UBE2E3: variants seen among roughly 807,000 people sequenced by gnomAD.
UBE2E3 encodes the protein ubiquitin conjugating enzyme E2 E3.
A neutral mutation model predicts 23.6 loss-of-function variants in UBE2E3; 5 were observed. The observed-to-expected ratio is 0.21, with a 90% CI of 0.11 to 0.44. UBE2E3 has a LOEUF of 0.44. UBE2E3 is among the 20% of genes least tolerant of loss of function. The pLI, the probability that UBE2E3 is intolerant of heterozygous loss-of-function variation, is 0.99. For missense variants in UBE2E3, 81 were observed against 249.8 expected (o/e 0.32, Z 4.55); for synonymous variants, 78 against 87.5 (o/e 0.89, Z 0.60).
At chr2:181,004,510 G>C (rs1474789103) in intron 3 of UBE2E3, among the ~76,000 whole-genome samples, 1 of 152,124 alleles carries the variant, frequency 6.6e-6, no homozygotes, top group African/African-American at 2.4e-5. Flanking sequence ...GTATGCACCT[G>C]TAGTCTCAGC....
intron 3 of UBE2E3, among the ~76,000 whole-genome samples, chr2:180,994,120 T>G (rs752863411): frequency 6.6e-6 from 1 of 152,176 alleles, no homozygotes; most frequent in Non-Finnish European, 1.5e-5. Context: ...CTTGTAAAAT[T>G]TTAAAAGACA....
At chr2:181,052,031 A>G (rs943225672) in intron 3 of UBE2E3, among the ~76,000 whole-genome samples, 3 of 151,646 alleles carry the variant, frequency 2.0e-5, no homozygotes, top group Non-Finnish European at 2.9e-5. Context: ...CAATGTAAAA[A>G]TTGTGTGATT....
chr2:181,003,862 ATTG>A (rs1291937889), intron 3 of UBE2E3, among the ~76,000 whole-genome samples: 6 of 152,198 alleles, frequency 3.9e-5, no homozygotes, highest in African/African-American at 9.7e-5. Flanking sequence ...ATTTACATGT[ATTG>A]TTGATATTTC....
intron 3 of UBE2E3, among the ~76,000 whole-genome samples, chr2:181,054,578 G>A (rs1033586586): frequency 6.6e-6 from 1 of 151,774 alleles, no homozygotes; most frequent in African/African-American, 2.4e-5. Flanking sequence ...TTTATAATCA[G>A]GTTGTTCATT....
Position 180,980,618 on chromosome 2 carries a change from T to G in UBE2E3, c.-381T>G, listed in dbSNP as rs1405820283. 3 of 147,270 alleles carry G rather than the reference T, an allele frequency of 2.0e-5. No homozygotes were observed. Among genetic ancestry groups the G allele is most frequent in the Admixed American group, 2.0e-4 (3 of 14,918 alleles). 9.1% of individuals were successfully genotyped at this position (147,270 alleles called of 1,614,324 possible). On this transcript the variant is annotated 5_prime_UTR_variant, in exon 1 of 6. Coordinates refer to ENST00000410062, the MANE Select transcript of UBE2E3 (RefSeq NM_006357.4). This position sits in a 1 kb window ranked among gnomAD's most constrained non-coding sequence, Gnocchi z 5.5. ...CGCGCTCGCCTCGGAACTTGCTGACTGCGCGGCCGGGAGGAGCCGAGCCGG... is the reference window on the plus strand; with the variant it reads ...CGCGCTCGCCTCGGAACTTGCTGACGGCGCGGCCGGGAGGAGCCGAGCCGG...
Position 180,982,085 on chromosome 2 carries a change from A to G in UBE2E3, c.43A>G (p.Thr15Ala). 1 of 1,609,690 alleles carries G rather than the reference A, an allele frequency of 6.2e-7. No individual in the cohort carries two copies. The highest frequency in any genetic ancestry group is 8.5e-7 in the Non-Finnish European group (1 of 1,178,502). ...AAGGTCCGATGATGAGAGCCCCAGC[A>G]CCAGCAGTGGCAGTTCAGATGCGGA... ...RQRSDDESPS[T>A]SSGSSDADQR... is the part of the protein sequence containing the mutation. The change falls in exon 2 of 6, where the codon ACC (threonine) becomes GCC (alanine). Residue 15 changes from threonine (T) to alanine (A), a missense_variant. Thr to Ala is a moderately conservative substitution (Grantham distance 58). Coordinates refer to ENST00000410062, the MANE Select transcript of UBE2E3 (RefSeq NM_006357.4).
rs150037135 is a variant in UBE2E3, at chr2:180,999,240, C to T, written c.245+15147C>T. ...CCGCAAAGAATGGCAGTTCCTAGTA[C>T]TCTGACGTTCCACAGTAGGCTAAAG... On this transcript the variant is annotated intron_variant, in intron 3 of 5. Coordinates refer to ENST00000410062, the MANE Select transcript of UBE2E3 (RefSeq NM_006357.4). 2.3e-3 allele frequency among the ~76,000 whole-genome samples: 355 copies of T among 152,254 alleles called. 1 individual carries two copies. The highest frequency in any genetic ancestry group is 8.3e-3 in the African/African-American group (343 of 41,520).
chr2:181,025,529 T>C (rs1685856993), intron 3 of UBE2E3, among the ~76,000 whole-genome samples: 1 of 151,904 alleles, frequency 6.6e-6, no homozygotes, highest in South Asian at 2.1e-4. Context: ...AAGGGTATTC[T>C]TTTAGAAGAC....
intron 3 of UBE2E3, among the ~76,000 whole-genome samples, chr2:181,041,510 C>T (rs942585989): frequency 5.3e-5 from 8 of 151,842 alleles, no homozygotes; most frequent in Admixed American, 5.3e-4. Flanking sequence ...GCACAACCGG[C>T]TCACTGCAAC....
intron 3 of UBE2E3, among the ~76,000 whole-genome samples, chr2:181,040,147 A>G (rs190132368): frequency 1.1e-3 from 167 of 152,294 alleles, no homozygotes; most frequent in Middle Eastern, 3.4e-3. Flanking sequence ...ATATACTTAA[A>G]TTGGGGAGGA....
chr2:181,040,481 T>C (rs922392574), intron 3 of UBE2E3, among the ~76,000 whole-genome samples: 9 of 152,352 alleles, frequency 5.9e-5, no homozygotes, highest in Admixed American at 5.2e-4. Context: ...TTTTTCATGG[T>C]TGACATTTAT....
At chr2:180,998,111 C>T (rs973070818) in intron 3 of UBE2E3, among the ~76,000 whole-genome samples, 2 of 152,090 alleles carry the variant, frequency 1.3e-5, no homozygotes, top group Non-Finnish European at 2.9e-5. Context: ...AAGTGTAGAG[C>T]ACAACAGCAA....
At position 181,046,305 on chromosome 2, in the gene UBE2E3, A is replaced by G. The variant is rs141427780; in HGVS notation, c.246-11388A>G. Among the ~76,000 whole-genome samples the G allele has an allele frequency of 5.9e-5, 9 of 152,294 alleles. No individual in the cohort carries two copies. The East Asian group carries it at 1.2e-3, about 20-fold the overall frequency. On this transcript the variant is annotated intron_variant, in intron 3 of 5. Coordinates refer to ENST00000410062, the MANE Select transcript of UBE2E3 (RefSeq NM_006357.4). The stretch of plus-strand genomic sequence containing the variant: ...CGTGTAGGCATTAAGGTTCTGAACA[A>G]AAATGTAGCACAAAACACAAATACT...
chr2:181,019,380 A>G (rs900092326), intron 3 of UBE2E3, among the ~76,000 whole-genome samples: 4 of 152,250 alleles, frequency 2.6e-5, no homozygotes, highest in Non-Finnish European at 5.9e-5. Context: ...TCAGAAGCAT[A>G]TTAACCTTGC....
intron 3 of UBE2E3, among the ~76,000 whole-genome samples, chr2:181,027,038 A>T (rs1476709537): frequency 1.3e-5 from 2 of 151,980 alleles, no homozygotes; most frequent in Non-Finnish European, 2.9e-5. Flanking sequence ...AGAATTGCGC[A>T]GAGTATCTTA....
At chr2:181,002,015 G>A (rs896729653) in intron 3 of UBE2E3, among the ~76,000 whole-genome samples, 2 of 152,238 alleles carry the variant, frequency 1.3e-5, no homozygotes, top group African/African-American at 4.8e-5. Context: ...TATGGAGATT[G>A]AAGGGCTTGA....
intron 3 of UBE2E3, among the ~76,000 whole-genome samples, chr2:181,054,051 A>G (rs993027888): frequency 1.3e-5 from 2 of 151,772 alleles, no homozygotes; most frequent in Non-Finnish European, 2.9e-5. Context: ...ACCGAATAAT[A>G]TTTCGTTGTC....
intron 3 of UBE2E3, among the ~76,000 whole-genome samples, chr2:181,042,397 A>G (rs1157279043): frequency 1.3e-5 from 2 of 152,220 alleles, no homozygotes; most frequent in Non-Finnish European, 2.9e-5. Flanking sequence ...CAAAAAGCCA[A>G]ACAGCAATCT....
chr2:181,060,655 CTG>C lies in UBE2E3; in HGVS notation c.379-7_379-6del. On this transcript the variant is annotated splice_polypyrimidine_tract_variant and splice_region_variant and intron_variant, in intron 4 of 5. Coordinates refer to ENST00000410062, the MANE Select transcript of UBE2E3 (RefSeq NM_006357.4). ...CATTTTCCTTCTGTTTTTAATGTGA[CTG>C]TGCTTAGGTTACTTTCCGCACCAGA... 1 of 1,582,772 alleles carries C rather than the reference CTG, an allele frequency of 6.3e-7. No individual in the cohort carries two copies. The highest frequency in any genetic ancestry group is 2.3e-5 in the East Asian group (1 of 43,948).
Sources: allele counts gnomAD v4.1 joint callset (sites outside exome capture counted in the v4.1 genomes callset), GRCh38; gene constraint gnomAD v4.1.1; non-coding constraint Gnocchi (gnomAD v3.1); transcripts MANE v1.5; gene names NCBI Gene and HGNC (gene_info 2026-07-23, HGNC 2026-07-21).